The following CSMD1 variants were observed in gnomAD, a reference collection of about 807,000 sequenced individuals.
CSMD1 encodes the protein CUB and sushi domain-containing protein 1.
CSMD1 carries 213 observed loss-of-function variants against 417.5 expected under a neutral mutation model. That is an observed-to-expected ratio of 0.51 (90% CI 0.46 to 0.57). The LOEUF is 0.57. Ranked by LOEUF, CSMD1 falls within the 20% of genes least tolerant of loss-of-function variation. CSMD1 has a pLI of 0.00. For missense variants in CSMD1, 6,923 were observed against 4,529.7 expected (o/e 1.53, Z -15.17); for synonymous variants, 2,862 against 1,736.8 (o/e 1.65, Z -16.11).
At chr8:3,904,535 C>T (rs1374953008) in intron 5 of CSMD1, among the ~76,000 whole-genome samples, 2 of 152,068 alleles carry the variant, frequency 1.3e-5, no homozygotes, top group Non-Finnish European at 2.9e-5. Flanking sequence ...ACAGGTGATA[C>T]CAAAGCTGTT....
At chr8:3,535,097 C>A (rs1798138501) in intron 10 of CSMD1, among the ~76,000 whole-genome samples, 1 of 151,278 alleles carries the variant, frequency 6.6e-6, no homozygotes, top group Non-Finnish European at 1.5e-5. Flanking sequence ...ACAGGGTGTA[C>A]CAACATAGTC....
Position 3,291,139 on chromosome 8 carries a change from G to A in CSMD1, c.3951-6793C>T, listed in dbSNP as rs548771282. Among the ~76,000 whole-genome samples the A allele has an allele frequency of 1.9e-4, 29 of 152,182 alleles. No individual in the cohort carries two copies. The East Asian group carries it at 1.9e-3, about 10-fold the overall frequency. ...TGCTAGATTACATTTATTGATTTTC[G>A]TATGTTGAAGCAGCCTTGCATCCCA... is the stretch of plus-strand genomic sequence containing the variant. On this transcript the variant is annotated intron_variant, in intron 25 of 69. Coordinates refer to ENST00000635120, the MANE Select transcript of CSMD1 (RefSeq NM_033225.6).
At chr8:3,986,506 C>T (rs974008676) in intron 5 of CSMD1, among the ~76,000 whole-genome samples, 1 of 152,096 alleles carries the variant, frequency 6.6e-6, no homozygotes, top group Non-Finnish European at 1.5e-5. Context: ...AAAGCAAGAT[C>T]CTTCTCCTTT....
At chr8:4,759,839 T>A (rs1811925964) in intron 1 of CSMD1, among the ~76,000 whole-genome samples, 1 of 152,250 alleles carries the variant, frequency 6.6e-6, no homozygotes, top group South Asian at 2.1e-4. Flanking sequence ...TGATTCCATG[T>A]GTTTGCTATT....
At chr8:4,832,135 T>C (rs1006160550) in intron 1 of CSMD1, among the ~76,000 whole-genome samples, 11 of 152,212 alleles carry the variant, frequency 7.2e-5, no homozygotes, top group African/African-American at 2.7e-4. Context: ...CATGTATCTC[T>C]GTTTTCCTGG....
chr8:4,014,704 A>T (rs1302812885), intron 4 of CSMD1, among the ~76,000 whole-genome samples: 2 of 152,214 alleles, frequency 1.3e-5, no homozygotes, highest in Non-Finnish European at 2.9e-5. Flanking sequence ...TGGAGCTAGA[A>T]TGACAAAGTC....
intron 26 of CSMD1, among the ~76,000 whole-genome samples, chr8:3,273,667 G>T (rs1473881834): frequency 6.6e-6 from 1 of 152,196 alleles, no homozygotes. Flanking sequence ...TTGGGAGAGT[G>T]TATGTGTCCA....
intron 54 of CSMD1, among the ~76,000 whole-genome samples, chr8:2,995,483 T>G (rs1806808245): frequency 6.6e-6 from 1 of 152,202 alleles, no homozygotes; most frequent in South Asian, 2.1e-4. Flanking sequence ...GAAAAATGCT[T>G]GGCAGTTTCT....
chr8:3,608,607 C>CA (rs1257940091), intron 8 of CSMD1, among the ~76,000 whole-genome samples: 1 of 151,406 alleles, frequency 6.6e-6, no homozygotes, highest in Non-Finnish European at 1.5e-5. Context: ...ATTAAAAATG[C>CA]AAAAAAATTA....
chr8:3,056,261 C>G (rs752682885), intron 49 of CSMD1, among the ~76,000 whole-genome samples: 1 of 152,236 alleles, frequency 6.6e-6, no homozygotes, highest in Non-Finnish European at 1.5e-5. Context: ...CCAGTGTTGT[C>G]TGAACCTTTA....
chr8:3,374,095 C>G (rs115702039), intron 18 of CSMD1, among the ~76,000 whole-genome samples: 1 of 151,724 alleles, frequency 6.6e-6, no homozygotes, highest in Non-Finnish European at 1.5e-5. Flanking sequence ...TGGGATTACA[C>G]ACATGTATCA....
intron 52 of CSMD1, among the ~76,000 whole-genome samples, chr8:3,003,522 T>C (rs144056922): frequency 2.0e-5 from 3 of 152,236 alleles, no homozygotes; most frequent in Non-Finnish European, 4.4e-5. Context: ...TGGGCAGTCA[T>C]GTCCTTTACA....
intron 50 of CSMD1, among the ~76,000 whole-genome samples, chr8:3,044,864 A>C (rs774213035): frequency 7.9e-5 from 12 of 152,238 alleles, no homozygotes; most frequent in Non-Finnish European, 1.6e-4. Context: ...AAGAAACTTA[A>C]AAACTGTTTC....
intron 2 of CSMD1, among the ~76,000 whole-genome samples, chr8:4,434,199 A>G (rs1166967978): frequency 1.3e-5 from 2 of 152,122 alleles, no homozygotes; most frequent in African/African-American, 4.8e-5. Context: ...TTATCCAGGC[A>G]TGGTAATGAG....
At chr8:3,596,739 A>G (rs1801113002) in intron 8 of CSMD1, among the ~76,000 whole-genome samples, 1 of 152,158 alleles carries the variant, frequency 6.6e-6, no homozygotes. Flanking sequence ...GAGGGTGGGC[A>G]AGAGAAGAAA....
At chr8:4,038,568 C>T (rs1329155616) in intron 3 of CSMD1, among the ~76,000 whole-genome samples, 4 of 152,190 alleles carry the variant, frequency 2.6e-5, no homozygotes, top group Admixed American at 2.6e-4. Context: ...TTATGCATGT[C>T]TCTTTGTGAC....
Position 4,649,490 on chromosome 8 carries a change from G to T in CSMD1, c.86-11932C>A, listed in dbSNP as rs554386973. 1.5e-4 allele frequency among the ~76,000 whole-genome samples: 23 copies of T among 152,274 alleles called. No individual in the cohort carries two copies. The South Asian group carries it at 3.7e-3, about 25-fold the overall frequency. On this transcript the variant is annotated intron_variant, in intron 1 of 69. Coordinates refer to ENST00000635120, the MANE Select transcript of CSMD1 (RefSeq NM_033225.6). Reference sequence around the variant, plus strand: ...CATATACAAAGCAAAGAAATGAGGGGTATAAACCCACGTGAGTAGGACTTC... The same window carrying T: ...CATATACAAAGCAAAGAAATGAGGGTTATAAACCCACGTGAGTAGGACTTC...
chr8:4,409,772 G>A (rs1382051008), intron 3 of CSMD1, among the ~76,000 whole-genome samples: 4 of 151,586 alleles, frequency 2.6e-5, no homozygotes, highest in African/African-American at 7.3e-5. Context: ...CCAGGAGAAT[G>A]TAATATCATA....
chr8:3,503,395 C>A (rs906501523), intron 10 of CSMD1, among the ~76,000 whole-genome samples: 1 of 152,222 alleles, frequency 6.6e-6, no homozygotes, highest in East Asian at 1.9e-4. Context: ...AAAGTCAAAG[C>A]TGCTAGTGAT....
Sources: allele counts gnomAD v4.1 joint callset (sites outside exome capture counted in the v4.1 genomes callset), GRCh38; gene constraint gnomAD v4.1.1; transcripts MANE v1.5; gene names NCBI Gene and HGNC (gene_info 2026-07-23, HGNC 2026-07-21).